SLC9C2: variants seen among roughly 807,000 people sequenced by gnomAD.
SLC9C2 encodes sodium/hydrogen exchanger 11.
In SLC9C2, 75 loss-of-function variants were observed where a neutral mutation model predicts 140.2. The ratio of observed to expected loss-of-function variants is 0.53; its 90% CI spans 0.44 to 0.65. The LOEUF (loss-of-function observed/expected upper bound fraction) is 0.65. SLC9C2 is among the 30% of genes least tolerant of loss of function. SLC9C2 has a pLI of 0.00. For missense variants in SLC9C2, 1,074 were observed against 1,331.8 expected, an observed-to-expected ratio of 0.81 and a Z score of 3.01; for synonymous variants, 375 against 420.9, an observed-to-expected ratio of 0.89 and a Z score of 1.34.
intron 20 of SLC9C2, 59 bp from the exon 21 acceptor site, chr1:173,524,153 G>T: frequency 6.8e-7 from 1 of 1,464,110 alleles, no homozygotes. Context: ...ATGGACACTA[G>T]GGAAAAACTA....
chr1:173,594,134 C>A (rs1666320777), intron 4 of SLC9C2, among the ~76,000 whole-genome samples: 1 of 152,164 alleles, frequency 6.6e-6, no homozygotes, highest in African/African-American at 2.4e-5. Flanking sequence ...AAAACAGATA[C>A]ATTTTCAGAG....
intron 24 of SLC9C2, among the ~76,000 whole-genome samples, chr1:173,509,027 TTC>T (rs1491511024): frequency 6.6e-6 from 1 of 152,114 alleles, no homozygotes; most frequent in Non-Finnish European, 1.5e-5. Flanking sequence ...TAAATCTACC[TTC>T]TTTTTTTTTT....
At chr1:173,596,387 C>T (rs1415505243) in intron 4 of SLC9C2, 2 of 152,156 alleles carry the variant, frequency 1.3e-5, no homozygotes, top group Admixed American at 6.5e-5. Flanking sequence ...TTTGCATTCT[C>T]ACCAACAATG....
intron 7 of SLC9C2, among the ~76,000 whole-genome samples, chr1:173,581,533 A>G (rs1665531074): frequency 6.6e-6 from 1 of 152,212 alleles, no homozygotes; most frequent in African/African-American, 2.4e-5. Context: ...TCTGAGGGTT[A>G]GAGCAGAAAT....
rs765493603 is a variant in SLC9C2, at chr1:173,600,161, GAGAA to G, written c.180_183del (p.Ser61TyrfsTer5). On this transcript the variant is annotated frameshift_variant, in exon 3 of 28. Transcript: ENST00000367714. LOFTEE classifies it high-confidence loss of function. ...ATGTGTCCTATCACGAATCCTGATA[GAGAA>G]AGAATCGTCAAAACAATGACTTCAC... The G allele has an allele frequency of 2.5e-6, 4 of 1,612,118 alleles. No homozygotes were observed. Among genetic ancestry groups the G allele is most frequent in the Non-Finnish European group, 3.4e-6 (4 of 1,179,024 alleles).
At chr1:173,578,031 T>G (rs748812961) in intron 7 of SLC9C2, among the ~76,000 whole-genome samples, 80 of 152,214 alleles carry the variant, frequency 5.3e-4, no homozygotes, top group African/African-American at 1.7e-3. Context: ...TAAGCCCCAG[T>G]TACAGGCAAC....
chr1:173,568,076 G>T (rs1458430945), intron 9 of SLC9C2, among the ~76,000 whole-genome samples: 1 of 152,036 alleles, frequency 6.6e-6, no homozygotes, highest in Non-Finnish European at 1.5e-5. Flanking sequence ...AATGTAGTTT[G>T]TCATTTTGCA....
At chr1:173,505,846 T>G (rs1659599221) in intron 25 of SLC9C2, among the ~76,000 whole-genome samples, 1 of 152,130 alleles carries the variant, frequency 6.6e-6, no homozygotes, top group Non-Finnish European at 1.5e-5. Context: ...TATCCCTATC[T>G]TACCATGAAG....
chr1:173,506,291 C>T (rs1301263875), intron 25 of SLC9C2, among the ~76,000 whole-genome samples: 1 of 152,222 alleles, frequency 6.6e-6, no homozygotes. Flanking sequence ...CTCCCCATTC[C>T]TTTGCCCAGT....
intron 11 of SLC9C2, among the ~76,000 whole-genome samples, chr1:173,554,280 T>A (rs1269665758): frequency 6.6e-6 from 1 of 152,172 alleles, no homozygotes; most frequent in South Asian, 2.1e-4. Context: ...TAATGATACA[T>A]ACAGAGGGAG....
intron 23 of SLC9C2, among the ~76,000 whole-genome samples, chr1:173,516,246 G>T (rs911492990): frequency 1.2e-4 from 18 of 152,178 alleles, no homozygotes; most frequent in Admixed American, 3.9e-4. Flanking sequence ...AGGACACTTA[G>T]GTGTTGAATA....
rs191762979 is a variant in SLC9C2, at chr1:173,541,959, C to T, written c.1558-4920G>A. ...ATCACAATTAAAAGAACTAGAGAAG[C>T]AAGAGCAAACAAATTCAAAAGCTAG... On this transcript the variant is annotated intron_variant, in intron 13 of 27. Transcript: ENST00000367714. 9.4e-3 allele frequency among the ~76,000 whole-genome samples: 1,430 copies of T among 152,044 alleles called. 26 individuals carry two copies. The highest frequency in any genetic ancestry group is 0.033 in the African/African-American group (1,372 of 41,452).
intron 13 of SLC9C2, among the ~76,000 whole-genome samples, chr1:173,546,819 T>C (rs1262151074): frequency 2.0e-5 from 3 of 152,178 alleles, no homozygotes; most frequent in South Asian, 4.1e-4. Context: ...TAAGGAATTA[T>C]TGTTCACTTT....
intron 9 of SLC9C2, among the ~76,000 whole-genome samples, chr1:173,566,011 A>G (rs956646171): frequency 2.0e-5 from 3 of 152,134 alleles, no homozygotes; most frequent in African/African-American, 7.2e-5. Context: ...CCATCCCTGC[A>G]TCCCTGGGAT....
chr1:173,543,576 G>A (rs180882467), intron 13 of SLC9C2, among the ~76,000 whole-genome samples: 1 of 152,280 alleles, frequency 6.6e-6, no homozygotes, highest in Non-Finnish European at 1.5e-5. Context: ...AACAAAGCTG[G>A]AGGCATCACA....
chr1:173,561,954 C>T (rs1558068728), intron 9 of SLC9C2, among the ~76,000 whole-genome samples: 1 of 151,950 alleles, frequency 6.6e-6, no homozygotes. Context: ...ATGAATTTAC[C>T]TGATTATATG....
rs1318166184 is a variant in SLC9C2, at chr1:173,598,028, T to C, written c.233A>G (p.His78Arg). ...GHMAYNSVEVHQIVYPLLRTS... is the reference protein window; with the variant it reads ...GHMAYNSVEVRQIVYPLLRTS... ...TCTTAGAAGAGGGTAGACAATTTGG[T>C]GCACCTAAAGTAACAAAGGCAAACA... is the stretch of plus-strand genomic sequence containing the variant. The change falls in exon 4 of 28, where the codon CAC (histidine) becomes CGC (arginine). Residue 78 changes from histidine to arginine, a missense_variant. Transcript: ENST00000367714. 3.2e-6 allele frequency: 5 copies of C among 1,586,122 alleles called. No homozygotes were observed. The highest frequency in any genetic ancestry group is 4.3e-6 in the Non-Finnish European group (5 of 1,167,748).
intron 9 of SLC9C2, among the ~76,000 whole-genome samples, chr1:173,572,803 CA>C (rs1479455786): frequency 6.6e-6 from 1 of 152,116 alleles, no homozygotes; most frequent in Non-Finnish European, 1.5e-5. Flanking sequence ...TGAAATTCAA[CA>C]AAAATGTTAA....
In SLC9C2 at chr1:173,547,804, AT is replaced by A; in HGVS notation, c.1462-21del. ...GGAAAACTGAACCGTATCAGATGAC[AT>A]TTTAAAACATAAAGGGATAAAGTTA... On this transcript the variant is annotated intron_variant, in intron 12 of 27. Transcript: ENST00000367714. The A allele has an allele frequency of 6.4e-7, 1 of 1,559,520 alleles. No individual in the cohort carries two copies. Among genetic ancestry groups the A allele is most frequent in the Non-Finnish European group, 8.8e-7 (1 of 1,134,192 alleles).
Sources: allele counts gnomAD v4.1 joint callset (sites outside exome capture counted in the v4.1 genomes callset), GRCh38; gene constraint gnomAD v4.1.1; transcripts MANE v1.5; gene names NCBI Gene and HGNC (gene_info 2026-07-23, HGNC 2026-07-21).